Variants in GALNT17 observed in about 807,000 individuals in gnomAD.
The protein encoded by GALNT17 is UDP-GalNAc:polypeptide N-acetylgalactosaminyltransferase-like 3.
In GALNT17, 29 loss-of-function variants were observed where a neutral mutation model predicts 63.7. The observed-to-expected ratio is 0.46, with a 90% CI of 0.34 to 0.62. The LOEUF is 0.62. Ranked by LOEUF, GALNT17 falls within the 20% of genes least tolerant of loss-of-function variation. The pLI is 0.01. For missense variants in GALNT17, 603 were observed against 799.6 expected (o/e 0.75, Z 2.97); for synonymous variants, 305 against 318.3 (o/e 0.96, Z 0.45).
At chr7:71,458,861 G>A (rs1465545824) in intron 5 of GALNT17, among the ~76,000 whole-genome samples, 2 of 152,088 alleles carry the variant, frequency 1.3e-5, no homozygotes, top group East Asian at 1.9e-4. Flanking sequence ...TCCGGGAGCT[G>A]GGGGTTCGGG....
chr7:71,551,013 A>G (rs1382659443), intron 5 of GALNT17, among the ~76,000 whole-genome samples: 3 of 152,070 alleles, frequency 2.0e-5, no homozygotes. Flanking sequence ...TTCCTCAATT[A>G]TGGGACATTC....
At chr7:71,560,084 C>T (rs1300782699) in intron 5 of GALNT17, among the ~76,000 whole-genome samples, 1 of 149,452 alleles carries the variant, frequency 6.7e-6, no homozygotes, top group Non-Finnish European at 1.5e-5. Flanking sequence ...ATCCCAGCTA[C>T]TCGGGAGGCT....
intron 5 of GALNT17, among the ~76,000 whole-genome samples, chr7:71,491,894 C>G (rs1788014699): frequency 6.6e-6 from 1 of 152,164 alleles, no homozygotes; most frequent in African/African-American, 2.4e-5. Flanking sequence ...CAGTGGCTCA[C>G]ACCTGTAATC....
chr7:71,346,884 G>T (rs2116156819), intron 2 of GALNT17, among the ~76,000 whole-genome samples: 1 of 152,012 alleles, frequency 6.6e-6, no homozygotes, highest in Non-Finnish European at 1.5e-5. Context: ...GCCTGTGATG[G>T]CCCTAGTATG....
chr7:71,375,894 A>G (rs1792712570), intron 2 of GALNT17, among the ~76,000 whole-genome samples: 1 of 152,140 alleles, frequency 6.6e-6, no homozygotes, highest in African/African-American at 2.4e-5. Flanking sequence ...CCTGAACAAC[A>G]TGGTAAAACC....
intron 6 of GALNT17, among the ~76,000 whole-genome samples, chr7:71,630,782 C>T (rs1261793302): frequency 6.6e-6 from 1 of 152,148 alleles, no homozygotes; most frequent in African/African-American, 2.4e-5. Flanking sequence ...TTGGATCTTC[C>T]AGTGCAATCC....
At chr7:71,604,786 C>T (rs1299697287) in intron 6 of GALNT17, among the ~76,000 whole-genome samples, 1 of 152,192 alleles carries the variant, frequency 6.6e-6, no homozygotes. Flanking sequence ...ATGTCTCCTC[C>T]TCCTTCAGAG....
rs1383755153 is a variant in GALNT17 at position 71,214,463 on chromosome 7, C to T, written c.238+81423C>T. On this transcript the variant is annotated intron_variant, in intron 1 of 10. Coordinates refer to ENST00000333538, the MANE Select transcript of GALNT17 (RefSeq NM_022479.3). Reference sequence around the variant, plus strand: ...CCAAGAGAGGGATTGATATCTTCCTCTTTGACAGTTCTGGAAGAATGTCAT... The same window carrying T: ...CCAAGAGAGGGATTGATATCTTCCTTTTTGACAGTTCTGGAAGAATGTCAT... Among the ~76,000 whole-genome samples the T allele has an allele frequency of 2.0e-5, 3 of 152,274 alleles. No individual in the cohort carries two copies. In the East Asian group the frequency reaches 5.8e-4, roughly 29 times the overall value.
At chr7:71,450,237 G>C (rs946279007) in intron 5 of GALNT17, among the ~76,000 whole-genome samples, 1 of 150,660 alleles carries the variant, frequency 6.6e-6, no homozygotes, top group African/African-American at 2.4e-5. Context: ...TCGGGCTCAA[G>C]AAATTCTCTT....
chr7:71,236,095 T>TG (rs1041716134), intron 1 of GALNT17, among the ~76,000 whole-genome samples: 1 of 151,818 alleles, frequency 6.6e-6, no homozygotes, highest in Non-Finnish European at 1.5e-5. Flanking sequence ...GCAGGAGAAT[T>TG]GCTTGAACCC....
chr7:71,176,249 C>T (rs952169703), intron 1 of GALNT17, among the ~76,000 whole-genome samples: 7 of 152,152 alleles, frequency 4.6e-5, no homozygotes, highest in Admixed American at 2.6e-4. Flanking sequence ...CCGCCGCTGT[C>T]GCCCCGTTCT....
intron 1 of GALNT17, among the ~76,000 whole-genome samples, chr7:71,222,581 C>T (rs1020353142): frequency 6.6e-6 from 1 of 152,114 alleles, no homozygotes; most frequent in Non-Finnish European, 1.5e-5. Context: ...AGTTAGCCAT[C>T]GTGCCCAGCA....
intron 2 of GALNT17, among the ~76,000 whole-genome samples, chr7:71,359,374 C>T (rs1792354599): frequency 6.6e-6 from 1 of 152,008 alleles, no homozygotes. Flanking sequence ...TGCCGGGTGC[C>T]AGGCTCTTTT....
intron 1 of GALNT17, among the ~76,000 whole-genome samples, chr7:71,181,802 A>G (rs1269799536): frequency 6.6e-6 from 1 of 151,344 alleles, no homozygotes; most frequent in African/African-American, 2.4e-5. Flanking sequence ...GCTTGAACCC[A>G]GGAGTTGAAG....
intron 5 of GALNT17, among the ~76,000 whole-genome samples, chr7:71,452,269 G>C (rs1031520411): frequency 1.3e-5 from 2 of 151,338 alleles, no homozygotes; most frequent in Non-Finnish European, 2.9e-5. Context: ...TTTAGGGCCA[G>C]GTGTGGTGGC....
At chr7:71,146,820 T>C (rs867168983) in intron 1 of GALNT17, among the ~76,000 whole-genome samples, 31 of 152,320 alleles carry the variant, frequency 2.0e-4, no homozygotes, top group Admixed American at 9.1e-4. Flanking sequence ...TTGCCATGCA[T>C]GAGTAATAAA....
At chr7:71,151,743 G>C (rs1410745604) in intron 1 of GALNT17, among the ~76,000 whole-genome samples, 2 of 152,148 alleles carry the variant, frequency 1.3e-5, no homozygotes, top group African/African-American at 4.8e-5. Flanking sequence ...TCTTGGAGCT[G>C]AGGGATAAGT....
chr7:71,474,752 C>G (rs144713338), intron 5 of GALNT17, among the ~76,000 whole-genome samples: 7 of 152,268 alleles, frequency 4.6e-5, no homozygotes, highest in African/African-American at 1.4e-4. Flanking sequence ...GCCTTCCACC[C>G]AAGATACCCA....
At chr7:71,265,150 G>C (rs1169257717) in intron 1 of GALNT17, among the ~76,000 whole-genome samples, 1 of 64,430 alleles carries the variant, frequency 1.6e-5, no homozygotes, top group Non-Finnish European at 3.3e-5. Context: ...TTTTTGAGAT[G>C]GAGTCTCTCT....
Sources: gnomAD v4.1 joint callset for allele counts (sites outside exome capture counted in the v4.1 genomes callset) on GRCh38, gnomAD v4.1.1 for gene constraint, MANE v1.5 for transcripts, NCBI Gene and HGNC (gene_info 2026-07-23, HGNC 2026-07-21) for gene names.